Variants in TRAPPC6B observed in about 807,000 individuals in gnomAD.
TRAPPC6B encodes trafficking protein particle complex subunit 6B.
TRAPPC6B carries 27 observed loss-of-function variants against 24.7 expected under a neutral mutation model. The observed-to-expected ratio is 1.09, with a 90% CI of 0.81 to 1.51. The LOEUF is 1.51. TRAPPC6B is among the 40% of genes most tolerant of loss of function. TRAPPC6B has a pLI of 0.00. For synonymous variants in TRAPPC6B, 80 were observed against 66.6 expected (o/e 1.20, Z -0.98); for missense variants, 212 against 190.8 (o/e 1.11, Z -0.66).
chr14:39,157,619 A>C, intron 3 of TRAPPC6B: 1 of 366,024 alleles, frequency 2.7e-6, no homozygotes. Flanking sequence ...ATCAAGGGGA[A>C]GGCAAGACTG....
chr14:39,164,772 G>T (rs1594544197), intron 1 of TRAPPC6B, among the ~76,000 whole-genome samples: 1 of 152,192 alleles, frequency 6.6e-6, no homozygotes, highest in East Asian at 1.9e-4. Flanking sequence ...AGGAGGCAGA[G>T]GTTTCAGTGA....
intron 1 of TRAPPC6B, among the ~76,000 whole-genome samples, chr14:39,163,357 C>T (rs1437841594): frequency 2.9e-5 from 4 of 136,024 alleles, no homozygotes; most frequent in African/African-American, 5.8e-5. Context: ...GGTGACAGGG[C>T]GAGACTTCAT....
rs1203212481 is a variant in TRAPPC6B, at chr14:39,148,156, C to T, written c.*2194G>A. 1.3e-5 allele frequency: 2 copies of T among 152,406 alleles called. No homozygotes were observed. The highest frequency in any genetic ancestry group is 2.9e-5 in the Non-Finnish European group (2 of 68,238). The allele number at this position is 152,406 out of a possible 1,614,324, so 9.4% of individuals were successfully genotyped here. A position where few individuals can be genotyped will look rare whatever the true frequency, so the allele number is the denominator to read the frequency against. On this transcript the variant is annotated 3_prime_UTR_variant, in exon 6 of 6. Coordinates refer to ENST00000330149, the MANE Select transcript of TRAPPC6B (RefSeq NM_001079537.2). ...ATCTCCATACTTGTCCTTTCATGGC[C>T]ATCAGAAGGCTGTTGCAGATTAGCT... is the stretch of plus-strand genomic sequence containing the variant.
intron 4 of TRAPPC6B, among the ~76,000 whole-genome samples, chr14:39,153,093 C>T (rs2052933966): frequency 6.6e-6 from 1 of 151,904 alleles, no homozygotes; most frequent in Non-Finnish European, 1.5e-5. Context: ...GAGTTTGAGA[C>T]TAGCCTCGCC....
intron 4 of TRAPPC6B, among the ~76,000 whole-genome samples, chr14:39,153,517 C>A (rs1365496105): frequency 6.6e-6 from 1 of 151,424 alleles, no homozygotes; most frequent in African/African-American, 2.4e-5. Context: ...GCAGTCCTAC[C>A]TCCTTGGGTG....
Position 39,148,798 on chromosome 14 carries a change from C to A in TRAPPC6B, c.*1552G>T. 2.5e-6 allele frequency: 1 copy of A among 398,272 alleles called. No homozygotes were observed. Among genetic ancestry groups the A allele is most frequent in the South Asian group, 1.3e-4 (1 of 7,844 alleles). 24.7% of individuals were successfully genotyped at this position (398,272 alleles called of 1,614,324 possible). On this transcript the variant is annotated 3_prime_UTR_variant, in exon 6 of 6. Transcript: ENST00000330149. ...AGGGGATACATTCTGAGAAATGCAT[C>A]ATCATTAGGAGATTTTAAAATTGTA...
intron 1 of TRAPPC6B, among the ~76,000 whole-genome samples, chr14:39,167,402 A>G (rs1447958038): frequency 6.6e-6 from 1 of 151,136 alleles, no homozygotes; most frequent in Non-Finnish European, 1.5e-5. Flanking sequence ...AAAACTTTCC[A>G]TAACAAAAAC....
chr14:39,148,199 A>G lies in TRAPPC6B; in HGVS notation c.*2151T>C, dbSNP rs1366592834. On this transcript the variant is annotated 3_prime_UTR_variant, in exon 6 of 6. Transcript: ENST00000330149. ...GATTAGCTTCAAACATCCATATCAC[A>G]TATCTTCACTGAGAAGCAGAAGAGG... is the stretch of plus-strand genomic sequence containing the variant. 3 of 153,248 alleles carry G rather than the reference A, an allele frequency of 2.0e-5. No individual in the cohort carries two copies. The highest frequency in any genetic ancestry group is 4.4e-5 in the Non-Finnish European group (3 of 68,796). 9.5% of individuals were successfully genotyped at this position (153,248 alleles called of 1,614,324 possible). A position where few individuals can be genotyped will look rare whatever the true frequency, so the allele number is the denominator to read the frequency against.
intron 5 of TRAPPC6B, among the ~76,000 whole-genome samples, chr14:39,151,207 C>T (rs143519998): frequency 8.4e-4 from 127 of 151,818 alleles, no homozygotes; most frequent in Admixed American, 3.4e-3. Context: ...CTGGCTAACA[C>T]GGTGAAACCC....
intron 1 of TRAPPC6B, among the ~76,000 whole-genome samples, chr14:39,162,922 G>A (rs192431259): frequency 7.0e-6 from 1 of 143,530 alleles, no homozygotes; most frequent in East Asian, 1.9e-4. Flanking sequence ...GCACATTCCA[G>A]GGGCTTTTGC....
At chr14:39,156,532 T>C (rs2052981036) in intron 3 of TRAPPC6B, among the ~76,000 whole-genome samples, 1 of 152,142 alleles carries the variant, frequency 6.6e-6, no homozygotes, top group Non-Finnish European at 1.5e-5. Flanking sequence ...AGCTCAAGAC[T>C]AGTCTGGGCA....
At chr14:39,159,347 T>C in intron 2 of TRAPPC6B, 136 bp downstream of exon 2, 1 of 489,764 alleles carries the variant, frequency 2.0e-6, no homozygotes, top group Non-Finnish European at 3.4e-6. Flanking sequence ...TAAAAAGAAA[T>C]TTTAATTTTT....
intron 1 of TRAPPC6B, among the ~76,000 whole-genome samples, chr14:39,168,687 C>T (rs550000441): frequency 6.6e-6 from 1 of 152,218 alleles, no homozygotes; most frequent in Non-Finnish European, 1.5e-5. Context: ...GAAAACCTGA[C>T]GATAATTTTC....
intron 5 of TRAPPC6B, among the ~76,000 whole-genome samples, chr14:39,151,389 CAAAAAA>C (rs11288695): frequency 1.3e-5 from 1 of 78,732 alleles, no homozygotes; most frequent in Non-Finnish European, 2.4e-5. Flanking sequence ...GACTCCGTCT[CAAAAAA>C]AAAAAAAAAA....
chr14:39,154,684 T>G (rs990614723), intron 3 of TRAPPC6B, among the ~76,000 whole-genome samples: 4 of 152,150 alleles, frequency 2.6e-5, no homozygotes, highest in African/African-American at 9.7e-5. Context: ...CCTCCCGAAG[T>G]GCTGGGATTA....
rs1215442379 is a variant in TRAPPC6B, at chr14:39,148,382, C to G, written c.*1968G>C. ...GGCACAGAATCTAATCAACACTCAC[C>G]CTCTCTAGGCTAGGGAAGCACCCTA... On this transcript the variant is annotated 3_prime_UTR_variant, in exon 6 of 6. Coordinates refer to ENST00000330149, the MANE Select transcript of TRAPPC6B (RefSeq NM_001079537.2). The G allele has an allele frequency of 3.2e-6, 1 of 311,430 alleles. No homozygotes were observed. The highest frequency in any genetic ancestry group is 5.8e-6 in the Non-Finnish European group (1 of 171,190). The allele number at this position is 311,430 out of a possible 1,614,324, so 19.3% of individuals were successfully genotyped here.
At chr14:39,153,703 C>CT (rs753192860) in intron 4 of TRAPPC6B, among the ~76,000 whole-genome samples, 11,266 of 128,964 alleles carry the variant, frequency 0.087, 1,246 homozygotes, top group African/African-American at 0.26. Flanking sequence ...TCTTTTTTTT[C>CT]TTTTTTTTTT....
chr14:39,157,585 A>C (rs1349180141), intron 3 of TRAPPC6B: 2 of 376,600 alleles, frequency 5.3e-6, no homozygotes, highest in African/African-American at 4.2e-5. Context: ...CTTGTGTCAT[A>C]AAATGGGGGT....
chr14:39,154,172 A>G (rs2052948890), intron 4 of TRAPPC6B, 39 bp downstream of exon 4: 2 of 1,260,210 alleles, frequency 1.6e-6, no homozygotes, highest in Non-Finnish European at 2.3e-6. Context: ...CTGTAGTCCT[A>G]CTATTAACAA....
Sources: allele counts gnomAD v4.1 joint callset (sites outside exome capture counted in the v4.1 genomes callset), GRCh38; gene constraint gnomAD v4.1.1; transcripts MANE v1.5; gene names NCBI Gene and HGNC (gene_info 2026-07-23, HGNC 2026-07-21).